Variants in RBKS observed in about 807,000 individuals in gnomAD.
RBKS encodes the protein ribokinase.
Under a neutral mutation model 33.9 loss-of-function variants are expected in RBKS, and 33 were observed. The observed-to-expected ratio is 0.97, with a 90% CI of 0.74 to 1.30. RBKS has a LOEUF of 1.30. Ranked by LOEUF, RBKS falls within the 50% of genes most tolerant of loss-of-function variation. The probability of loss-of-function intolerance (pLI) is 0.00; values close to 1 mark genes in which losing one functional copy is unlikely to be tolerated. For synonymous variants in RBKS, 125 were observed against 143.0 expected (o/e 0.87, Z 0.90); for missense variants, 361 against 392.6 (o/e 0.92, Z 0.68).
At chr2:27,842,638 C>G (rs1009609996) in intron 5 of RBKS, among the ~76,000 whole-genome samples, 3 of 151,758 alleles carry the variant, frequency 2.0e-5, no homozygotes, top group Non-Finnish European at 4.4e-5. Context: ...GTACCTTGGA[C>G]AAGGGGCTGA....
chr2:27,801,965 T>A (rs7425435), intron 7 of RBKS, among the ~76,000 whole-genome samples: 4,336 of 49,070 alleles, frequency 0.088, 191 homozygotes, highest in East Asian at 0.24. Flanking sequence ...AAAAAAAAAA[T>A]ATATATATAT....
chr2:27,821,258 GAGGTTA>G (rs1330952548), intron 7 of RBKS, among the ~76,000 whole-genome samples: 2 of 152,044 alleles, frequency 1.3e-5, no homozygotes, highest in African/African-American at 4.8e-5. Flanking sequence ...GACTTCTAAT[GAGGTTA>G]AGCATTGTCT....
intron 1 of RBKS, among the ~76,000 whole-genome samples, chr2:27,888,732 G>C (rs961813153): frequency 6.6e-6 from 1 of 152,126 alleles, no homozygotes; most frequent in Admixed American, 6.5e-5. Flanking sequence ...ATGGCCTGCA[G>C]GATGTTCTTG....
chr2:27,807,729 T>C (rs889942363), intron 7 of RBKS, among the ~76,000 whole-genome samples: 14 of 152,262 alleles, frequency 9.2e-5, no homozygotes, highest in African/African-American at 2.9e-4. Flanking sequence ...ACTCCAACTC[T>C]TCATACCCTG....
chr2:27,841,259 C>G (rs1043050466), intron 5 of RBKS, among the ~76,000 whole-genome samples: 1 of 152,096 alleles, frequency 6.6e-6, no homozygotes, highest in Non-Finnish European at 1.5e-5. Context: ...GTATCTTTCT[C>G]TCCTTCACAA....
At chr2:27,862,672 C>T (rs918914306) in intron 1 of RBKS, among the ~76,000 whole-genome samples, 3 of 152,208 alleles carry the variant, frequency 2.0e-5, no homozygotes, top group Non-Finnish European at 4.4e-5. Flanking sequence ...TCCCTGTCCC[C>T]TGCTCTTGAC....
intron 7 of RBKS, among the ~76,000 whole-genome samples, chr2:27,815,498 T>C (rs1294468236): frequency 6.6e-6 from 1 of 152,176 alleles, no homozygotes; most frequent in African/African-American, 2.4e-5. Context: ...CGCCTAGCTC[T>C]AGGTGGTTTT....
At chr2:27,788,074 G>A (rs367953175) in intron 7 of RBKS, among the ~76,000 whole-genome samples, 29 of 152,132 alleles carry the variant, frequency 1.9e-4, no homozygotes, top group African/African-American at 7.0e-4. Context: ...TAGAAATAAG[G>A]TGTAACTTGA....
At position 27,782,775 on chromosome 2, in the gene RBKS, A is replaced by AT. The variant is rs200455515; in HGVS notation, c.796-988dup. 1,560 of 276,932 alleles carry AT rather than the reference A, an allele frequency of 5.6e-3. 2 individuals carry two copies. Among genetic ancestry groups the AT allele is most frequent in the East Asian group, 0.014 (159 of 11,200 alleles). The allele number at this position is 276,932 out of a possible 1,614,324, so 17.2% of individuals were successfully genotyped here. On this transcript the variant is annotated intron_variant, in intron 7 of 7. Transcript: ENST00000302188. ...TGTACTCTTTGTTTCTTTAATTTTA[A>AT]TTTTTTTTTTCATGTTGGAAAGCAA... is the stretch of plus-strand genomic sequence containing the variant.
chr2:27,859,928 G>A (rs746189505), intron 1 of RBKS, among the ~76,000 whole-genome samples: 5 of 152,222 alleles, frequency 3.3e-5, no homozygotes, highest in Admixed American at 2.6e-4. Flanking sequence ...AAGAACACAC[G>A]ATTGCTTCAA....
At chr2:27,787,390 G>C (rs1677425049) in intron 7 of RBKS, among the ~76,000 whole-genome samples, 1 of 152,198 alleles carries the variant, frequency 6.6e-6, no homozygotes, top group Admixed American at 6.5e-5. Flanking sequence ...CCGTGATCAT[G>C]TCACTGCACT....
chr2:27,865,758 C>T (rs1373849871), intron 1 of RBKS, among the ~76,000 whole-genome samples: 1 of 151,914 alleles, frequency 6.6e-6, no homozygotes, highest in Non-Finnish European at 1.5e-5. Context: ...CTAGGGTTTA[C>T]AATATGCATC....
intron 1 of RBKS, among the ~76,000 whole-genome samples, chr2:27,865,237 G>A (rs983997504): frequency 9.9e-5 from 15 of 152,088 alleles, no homozygotes; most frequent in Admixed American, 7.9e-4. Flanking sequence ...GGAGAATGGC[G>A]TGAACCCAGG....
chr2:27,827,393 C>A (rs1445249626), intron 7 of RBKS, among the ~76,000 whole-genome samples, 174 bp downstream of exon 7: 1 of 152,164 alleles, frequency 6.6e-6, no homozygotes, highest in Non-Finnish European at 1.5e-5. Flanking sequence ...TAAAGTCCCA[C>A]AGAGAGTTAG....
chr2:27,882,640 C>T (rs1664441522), intron 1 of RBKS, among the ~76,000 whole-genome samples: 1 of 152,178 alleles, frequency 6.6e-6, no homozygotes, highest in Non-Finnish European at 1.5e-5. Context: ...ATGTTCATTA[C>T]AGCACTATTC....
chr2:27,857,991 A>T (rs929549237), intron 2 of RBKS, among the ~76,000 whole-genome samples: 25 of 152,252 alleles, frequency 1.6e-4, no homozygotes, highest in African/African-American at 5.3e-4. Flanking sequence ...TGAATAAAAA[A>T]ATTGTGGTAT....
chr2:27,794,305 AAATAATAATAATAATAATAAT>A (rs70953884), intron 7 of RBKS, among the ~76,000 whole-genome samples: 1 of 137,742 alleles, frequency 7.3e-6, no homozygotes, highest in African/African-American at 2.7e-5. Context: ...CCCCCCCACA[AAATAATAATAATAATAATAAT>A]AATAATAATA....
At chr2:27,865,907 TC>T (rs991545502) in intron 1 of RBKS, among the ~76,000 whole-genome samples, 2 of 152,208 alleles carry the variant, frequency 1.3e-5, no homozygotes, top group Non-Finnish European at 2.9e-5. Context: ...GATGTAAACG[TC>T]ACAATACTGT....
At chr2:27,833,001 T>G (rs1678453010) in intron 5 of RBKS, among the ~76,000 whole-genome samples, 1 of 152,176 alleles carries the variant, frequency 6.6e-6, no homozygotes, top group Non-Finnish European at 1.5e-5. Flanking sequence ...TTACAACATT[T>G]CAGCTTCCAG....
Sources: gnomAD v4.1 joint callset for allele counts (sites outside exome capture counted in the v4.1 genomes callset) on GRCh38, gnomAD v4.1.1 for gene constraint, MANE v1.5 for transcripts, NCBI Gene and HGNC (gene_info 2026-07-23, HGNC 2026-07-21) for gene names.